Variants in WRN observed in about 807,000 individuals in gnomAD.
The protein encoded by WRN is WRN RecQ like helicase, also known as bifunctional 3'-5' exonuclease/ATP-dependent helicase WRN.
WRN carries 149 observed loss-of-function variants against 180.7 expected under a neutral mutation model. The ratio of observed to expected loss-of-function variants is 0.82; its 90% CI spans 0.72 to 0.94. The LOEUF is 0.94. WRN is among the 40% of genes least tolerant of loss of function. The probability of loss-of-function intolerance (pLI) is 0.00; values close to 1 mark genes in which losing one functional copy is unlikely to be tolerated. For synonymous variants in WRN, 548 were observed against 568.9 expected, an observed-to-expected ratio of 0.96 and a Z score of 0.52; for missense variants, 1,661 against 1,700.1, an observed-to-expected ratio of 0.98 and a Z score of 0.40.
intron 34 of WRN, among the ~76,000 whole-genome samples, chr8:31,168,128 G>C (rs1393745770): frequency 1.3e-5 from 2 of 151,982 alleles, no homozygotes; most frequent in African/African-American, 4.8e-5. Context: ...TTCTGTACTT[G>C]AGTTACGTCT....
intron 24 of WRN, among the ~76,000 whole-genome samples, chr8:31,133,915 GTCTAAGTAGGCTCCTTGACAAAC>G (rs1173455517): frequency 6.6e-6 from 1 of 152,100 alleles, no homozygotes. Context: ...CAACAAATAA[GTCTAAGTAGGCTCCTTGACAAAC>G]TTGAACTGGC....
At chr8:31,146,924 C>A in intron 28 of WRN, 129 bp from the exon 29 acceptor site, 1 of 723,116 alleles carries the variant, frequency 1.4e-6, no homozygotes. Context: ...TAACAAATTA[C>A]CTTACTGGTA....
chr8:31,130,579 C>T (rs1307970063), intron 23 of WRN, among the ~76,000 whole-genome samples: 1 of 149,336 alleles, frequency 6.7e-6, no homozygotes, highest in African/African-American at 2.5e-5. Context: ...TCATATTTTA[C>T]AGTCGTTAGC....
At chr8:31,172,470 CTT>C (rs913618636) in intron 34 of WRN, among the ~76,000 whole-genome samples, 7 of 152,226 alleles carry the variant, frequency 4.6e-5, no homozygotes, top group Middle Eastern at 3.4e-3. Flanking sequence ...AGACAAGAAA[CTT>C]TTATTTTTTT....
At position 31,076,183 on chromosome 8, in the gene WRN, C is replaced by T. The variant is rs1233361530; in HGVS notation, c.735C>T (p.Ile245=). The change falls in exon 8 of 35, where the codon ATC becomes ATT. Residue 245 remains isoleucine, a synonymous_variant. Coordinates refer to ENST00000298139, the MANE Select transcript of WRN (RefSeq NM_000553.6). ...QRFAINKEEE[I]LLSDMNKQLT... ...TTTTTTTCCCCCTAGAGGAAGAAATCCTACTTAGCGACATGAACAAACAGT... is the reference window on the plus strand; with the variant it reads ...TTTTTTTCCCCCTAGAGGAAGAAATTCTACTTAGCGACATGAACAAACAGT... 2 of 1,613,472 alleles carry T rather than the reference C, an allele frequency of 1.2e-6. No individual in the cohort carries two copies. The highest frequency in any genetic ancestry group is 1.7e-6 in the Non-Finnish European group (2 of 1,179,716).
At chr8:31,166,939 A>G (rs375297146) in intron 33 of WRN, 83 bp from the exon 34 acceptor site, 8 of 1,349,608 alleles carry the variant, frequency 5.9e-6, no homozygotes, top group African/African-American at 5.8e-5. Context: ...TTTCTACAGA[A>G]TATTTCAGTA....
intron 1 of WRN, among the ~76,000 whole-genome samples, chr8:31,057,623 A>T (rs1812323103): frequency 6.6e-6 from 1 of 152,214 alleles, no homozygotes; most frequent in Admixed American, 6.5e-5. Context: ...ACAAATAGGA[A>T]CTAAAGTTGA....
At chr8:31,147,706 C>T (rs1802917484) in intron 30 of WRN, among the ~76,000 whole-genome samples, 1 of 152,072 alleles carries the variant, frequency 6.6e-6, no homozygotes, top group African/African-American at 2.4e-5. Flanking sequence ...TAAAATCTAA[C>T]TCATTATTTA....
chr8:31,098,099 A>G (rs886753649), intron 17 of WRN, among the ~76,000 whole-genome samples: 2 of 152,194 alleles, frequency 1.3e-5, no homozygotes, highest in East Asian at 3.9e-4. Context: ...GAGGGCAGCA[A>G]TTAACATTTC....
At chr8:31,116,671 T>G in intron 20 of WRN, 143 bp downstream of exon 20, 1 of 1,186,888 alleles carries the variant, frequency 8.4e-7, no homozygotes, top group Non-Finnish European at 1.2e-6. Context: ...GAGAACAAAC[T>G]TGCAGATTAG....
At position 31,118,576 on chromosome 8, in the gene WRN, C is replaced by G. The variant is rs555792059; in HGVS notation, c.2449-1667C>G. Among the ~76,000 whole-genome samples, 9 of 151,770 alleles carry G rather than the reference C, an allele frequency of 5.9e-5. No individual in the cohort carries two copies. In the East Asian group the frequency reaches 1.7e-3, roughly 29 times the overall value. On this transcript the variant is annotated intron_variant, in intron 20 of 34. Coordinates refer to ENST00000298139, the MANE Select transcript of WRN (RefSeq NM_000553.6). ...CATAATGTATAGAATTCTAGATATT[C>G]ACTTTTGTGTGTTTTTACAGTTGTT...
intron 24 of WRN, among the ~76,000 whole-genome samples, chr8:31,134,921 T>C (rs1802340573): frequency 6.6e-6 from 1 of 152,188 alleles, no homozygotes; most frequent in Non-Finnish European, 1.5e-5. Flanking sequence ...GCACATAGAA[T>C]TATAGTTCAC....
At chr8:31,095,562 ATGT>A (rs1813929821) in intron 16 of WRN, among the ~76,000 whole-genome samples, 1 of 152,182 alleles carries the variant, frequency 6.6e-6, no homozygotes, top group Non-Finnish European at 1.5e-5. Context: ...TTTTTAGTAA[ATGT>A]TGTCTATTGT....
At chr8:31,095,984 C>T (rs189503004) in intron 16 of WRN, among the ~76,000 whole-genome samples, 10 of 152,276 alleles carry the variant, frequency 6.6e-5, no homozygotes. Context: ...GTTATTGTCA[C>T]CGTTTTATAC....
chr8:31,047,424 A>G (rs1262656271), intron 1 of WRN, among the ~76,000 whole-genome samples: 2 of 152,166 alleles, frequency 1.3e-5, no homozygotes, highest in Non-Finnish European at 2.9e-5. Context: ...CACTACATCC[A>G]GCCAGGGCTG....
At chr8:31,140,416 G>A (rs1007359097) in intron 24 of WRN, among the ~76,000 whole-genome samples, 1 of 152,150 alleles carries the variant, frequency 6.6e-6, no homozygotes, top group Non-Finnish European at 1.5e-5. Flanking sequence ...ATTTCTATAT[G>A]AAGTGAAAGC....
At chr8:31,093,390 C>T (rs892046674) in intron 16 of WRN, among the ~76,000 whole-genome samples, 5 of 152,080 alleles carry the variant, frequency 3.3e-5, no homozygotes, top group Admixed American at 1.3e-4. Flanking sequence ...CGTGAACCAC[C>T]GCACCTGATG....
intron 1 of WRN, among the ~76,000 whole-genome samples, chr8:31,049,604 C>A (rs1210900943): frequency 6.6e-6 from 1 of 151,862 alleles, no homozygotes; most frequent in Non-Finnish European, 1.5e-5. Flanking sequence ...TAAATGAATC[C>A]ATTTTCTCTT....
intron 6 of WRN, 104 bp from the exon 7 acceptor site, chr8:31,068,154 G>T: frequency 1.3e-6 from 1 of 790,350 alleles, no homozygotes; most frequent in South Asian, 1.6e-5. Flanking sequence ...TTCCATGTTT[G>T]GGTGCTTTGT....
Sources: gnomAD v4.1 joint callset for allele counts (sites outside exome capture counted in the v4.1 genomes callset) on GRCh38, gnomAD v4.1.1 for gene constraint, MANE v1.5 for transcripts, NCBI Gene and HGNC (gene_info 2026-07-23, HGNC 2026-07-21) for gene names.